The following APOH variants were observed in gnomAD, a reference collection of about 807,000 sequenced individuals.
The protein encoded by APOH is apolipoprotein H, also known as beta-2-glycoprotein 1.
APOH carries 48 observed loss-of-function variants against 39.8 expected under a neutral mutation model. The observed-to-expected ratio is 1.21, with a 90% CI of 0.96 to 1.54. The LOEUF is 1.54. Ranked by LOEUF, APOH falls within the 40% of genes most tolerant of loss-of-function variation. The pLI is 0.00. For missense variants in APOH, 415 were observed against 421.2 expected, an observed-to-expected ratio of 0.99 and a Z score of 0.13; for synonymous variants, 153 against 151.1, an observed-to-expected ratio of 1.01 and a Z score of -0.09.
chr17:66,212,941 G>A (rs555675754), intron 7 of APOH, among the ~76,000 whole-genome samples: 3 of 152,158 alleles, frequency 2.0e-5, no homozygotes, highest in African/African-American at 7.2e-5. Context: ...ATCTCACCAG[G>A]GCTCTGCTGT....
chr17:66,219,780 A>C (rs1294659768), intron 5 of APOH, among the ~76,000 whole-genome samples: 1 of 152,072 alleles, frequency 6.6e-6, no homozygotes, highest in Non-Finnish European at 1.5e-5. Flanking sequence ...TTAGCCAAGT[A>C]TGGTGACGGG....
chr17:66,218,689 C>T (rs2073380035), intron 5 of APOH, among the ~76,000 whole-genome samples: 1 of 152,206 alleles, frequency 6.6e-6, no homozygotes, highest in Non-Finnish European at 1.5e-5. Flanking sequence ...TCAAAAATGT[C>T]AATGAAAGAC....
chr17:66,218,662 C>T (rs1358581451), intron 5 of APOH, among the ~76,000 whole-genome samples: 2 of 152,146 alleles, frequency 1.3e-5, no homozygotes, highest in Non-Finnish European at 2.9e-5. Context: ...TTCTACAAGA[C>T]AACTAGCCTG....
chr17:66,217,344 ACC>A (rs35673901), intron 5 of APOH, among the ~76,000 whole-genome samples: 36 of 125,866 alleles, frequency 2.9e-4, no homozygotes, highest in East Asian at 2.7e-3. Context: ...CAAAGACTGA[ACC>A]CCCCCCCCCA....
Position 66,228,013 on chromosome 17 carries a change from G to A in APOH, c.241+7C>T, listed in dbSNP as rs747290248. The A allele has an allele frequency of 6.8e-6, 11 of 1,610,832 alleles. No homozygotes were observed. Among genetic ancestry groups the A allele is most frequent in the Non-Finnish European group, 9.3e-6 (11 of 1,178,280 alleles). On this transcript the variant is annotated splice_region_variant and intron_variant, in intron 2 of 7. Coordinates refer to ENST00000205948, the MANE Select transcript of APOH (RefSeq NM_000042.3). ...GGAAGAGAATGTGAGAGAAGGTACTGACTTACGTGTACATTTCAGAGTGTT... is the reference window on the plus strand; with the variant it reads ...GGAAGAGAATGTGAGAGAAGGTACTAACTTACGTGTACATTTCAGAGTGTT...
intron 5 of APOH, among the ~76,000 whole-genome samples, chr17:66,217,353 C>CA (rs1555572257): frequency 1.4e-5 from 2 of 145,182 alleles, no homozygotes; most frequent in Admixed American, 6.9e-5. Context: ...AACCCCCCCC[C>CA]CCATTCACAC....
At chr17:66,218,045 G>C (rs971095267) in intron 5 of APOH, among the ~76,000 whole-genome samples, 6 of 152,102 alleles carry the variant, frequency 3.9e-5, no homozygotes, top group Non-Finnish European at 7.4e-5. Context: ...AATGTAGAAG[G>C]AAAAGATAGA....
At chr17:66,217,617 T>C (rs1426615745) in intron 5 of APOH, among the ~76,000 whole-genome samples, 1 of 152,080 alleles carries the variant, frequency 6.6e-6, no homozygotes, top group Non-Finnish European at 1.5e-5. Context: ...AGAGTCAGAC[T>C]GCTTGGCTCA....
chr17:66,216,989 A>C, intron 5 of APOH, 22 bp from the exon 6 acceptor site: 2 of 1,547,646 alleles, frequency 1.3e-6, no homozygotes, highest in Non-Finnish European at 1.7e-6. Context: ...ATTCAATAAG[A>C]CATATTAGTA....
chr17:66,226,761 T>C (rs1445284210), intron 2 of APOH, among the ~76,000 whole-genome samples: 2 of 152,146 alleles, frequency 1.3e-5, no homozygotes, highest in East Asian at 1.9e-4. Flanking sequence ...TTTTATGATA[T>C]GCTGATGAAA....
Position 66,216,216 on chromosome 17 carries a change from T to C in APOH, c.784+572A>G, listed in dbSNP as rs8178937. Among the ~76,000 whole-genome samples the C allele has an allele frequency of 4.6e-3, 665 of 144,948 alleles. 3 individuals carry two copies. Among genetic ancestry groups the C allele is most frequent in the African/African-American group, 0.016 (612 of 39,220 alleles). On this transcript the variant is annotated intron_variant, in intron 6 of 7. Coordinates refer to ENST00000205948, the MANE Select transcript of APOH (RefSeq NM_000042.3). ...TGTCTACAATAATACTAAAAAATGA[T>C]GGATGGAAGAAAAGCTCTTCTCTAC...
At chr17:66,229,089 A>T (rs569623430) in intron 1 of APOH, among the ~76,000 whole-genome samples, 67 of 152,042 alleles carry the variant, frequency 4.4e-4, no homozygotes, top group African/African-American at 1.6e-3. Context: ...CACCTCGGCC[A>T]TGATGCCCAG....
intron 3 of APOH, among the ~76,000 whole-genome samples, chr17:66,224,707 GGAAA>G (rs2073427653): frequency 1.1e-5 from 1 of 88,540 alleles, no homozygotes; most frequent in African/African-American, 4.6e-5. Flanking sequence ...GGAAAGGAAA[GGAAA>G]GGAAAGGAAA....
chr17:66,219,349 C>T (rs1177952938), intron 5 of APOH, among the ~76,000 whole-genome samples: 1 of 151,752 alleles, frequency 6.6e-6, no homozygotes, highest in Non-Finnish European at 1.5e-5. Context: ...AGGGATCTTT[C>T]TATGGAGAAA....
chr17:66,226,694 A>G (rs556127062), intron 2 of APOH, among the ~76,000 whole-genome samples: 2 of 152,260 alleles, frequency 1.3e-5, no homozygotes, highest in African/African-American at 4.8e-5. Flanking sequence ...GTAAATCAAA[A>G]GTTGAACTAT....
chr17:66,219,849 G>A (rs1567739497), intron 5 of APOH, among the ~76,000 whole-genome samples: 1 of 152,064 alleles, frequency 6.6e-6, no homozygotes, highest in Admixed American at 6.6e-5. Context: ...AACCCAGGTG[G>A]CAGTAAGCCA....
Position 66,228,102 on chromosome 17 carries a change from C to T in APOH, c.159G>A (p.Pro53=), listed in dbSNP as rs55772214. ...TCATCCCTCCTCGGGACACATAGCC[C>T]GGCTTGCAGGAATACGTAATCTCTT... The part of the protein sequence containing the change: ...PGEEITYSCK[P]GYVSRGGMRK... Residue 53 remains proline (P), a synonymous_variant, in exon 2 of 8, where the codon CCG becomes CCA. Coordinates refer to ENST00000205948, the MANE Select transcript of APOH (RefSeq NM_000042.3). The T allele has an allele frequency of 3.2e-5, 52 of 1,614,084 alleles. No homozygotes were observed. In the Admixed American group the frequency reaches 7.0e-4, roughly 22 times the overall value.
chr17:66,221,148 G>T (rs1332201441), intron 4 of APOH, among the ~76,000 whole-genome samples: 1 of 151,142 alleles, frequency 6.6e-6, no homozygotes, highest in African/African-American at 2.4e-5. Flanking sequence ...AGCCAAAATC[G>T]CACCACTGCA....
At chr17:66,224,510 G>A in intron 3 of APOH, among the ~76,000 whole-genome samples, 2 of 123,974 alleles carry the variant, frequency 1.6e-5, no homozygotes, top group African/African-American at 3.1e-5. Context: ...AAGAAGGAAA[G>A]GAAGGAAAAA....
Sources: gnomAD v4.1 joint callset for allele counts (sites outside exome capture counted in the v4.1 genomes callset) on GRCh38, gnomAD v4.1.1 for gene constraint, MANE v1.5 for transcripts, NCBI Gene and HGNC (gene_info 2026-07-23, HGNC 2026-07-21) for gene names.